CSMD1: variants seen among roughly 807,000 people sequenced by gnomAD.
CSMD1 encodes CUB and Sushi multiple domains 1.
In CSMD1, 213 loss-of-function variants were observed where a neutral mutation model predicts 417.5. That is an observed-to-expected ratio of 0.51 (90% confidence interval 0.46 to 0.57). The LOEUF is 0.57. Ranked by LOEUF, CSMD1 falls within the 20% of genes least tolerant of loss-of-function variation. The pLI is 0.00. For missense variants in CSMD1, 6,923 were observed against 4,529.7 expected (o/e 1.53, Z -15.17); for synonymous variants, 2,862 against 1,736.8 (o/e 1.65, Z -16.11).
chr8:3,307,630 T>C (rs2117387107), intron 25 of CSMD1, 65 bp downstream of exon 25: 1 of 1,505,784 alleles, frequency 6.6e-7, no homozygotes. Context: ...TACCACTATC[T>C]CTGCTACAAG....
rs890559313 is a variant in CSMD1 at position 4,909,292 on chromosome 8, C to T, written c.85+85040G>A. Among the ~76,000 whole-genome samples, 5 of 151,146 alleles carry T rather than the reference C, an allele frequency of 3.3e-5. No homozygotes were observed. In the South Asian group the frequency reaches 1.0e-3, roughly 32 times the overall value. Reference sequence around the variant, plus strand: ...GTGATCCTGTGTTTCAGGGCTATGACTTTTCTGAGAATTTTCCCAGCAAAA... The same window carrying T: ...GTGATCCTGTGTTTCAGGGCTATGATTTTTCTGAGAATTTTCCCAGCAAAA... On this transcript the variant is annotated intron_variant, in intron 1 of 69. Coordinates refer to ENST00000635120, the MANE Select transcript of CSMD1 (RefSeq NM_033225.6).
intron 3 of CSMD1, among the ~76,000 whole-genome samples, chr8:4,346,418 A>G (rs1006617164): frequency 2.0e-5 from 3 of 152,148 alleles, no homozygotes; most frequent in African/African-American, 2.4e-5. Flanking sequence ...ATCAGGGAGT[A>G]TGACCCACAC....
chr8:4,399,519 G>C (rs1305502665), intron 3 of CSMD1, among the ~76,000 whole-genome samples: 1 of 152,036 alleles, frequency 6.6e-6, no homozygotes, highest in East Asian at 1.9e-4. Context: ...TAACATTCAA[G>C]AAACTTTCCT....
At chr8:3,356,420 T>C (rs961397254) in intron 21 of CSMD1, among the ~76,000 whole-genome samples, 18 of 152,200 alleles carry the variant, frequency 1.2e-4, no homozygotes, top group Admixed American at 3.9e-4. Flanking sequence ...CTCACGCCTG[T>C]AATCCCAGCA....
At chr8:4,186,189 A>G (rs1488947331) in intron 3 of CSMD1, among the ~76,000 whole-genome samples, 1 of 152,160 alleles carries the variant, frequency 6.6e-6, no homozygotes, top group Non-Finnish European at 1.5e-5. Flanking sequence ...TGAATGTTCC[A>G]GAGAACATTG....
At chr8:3,054,049 A>G (rs183305165) in intron 49 of CSMD1, among the ~76,000 whole-genome samples, 1 of 152,294 alleles carries the variant, frequency 6.6e-6, no homozygotes, top group Admixed American at 6.5e-5. Context: ...AGGTGACACA[A>G]TGACTTAGTA....
intron 1 of CSMD1, among the ~76,000 whole-genome samples, chr8:4,697,896 G>A (rs529515859): frequency 6.6e-6 from 1 of 152,244 alleles, no homozygotes; most frequent in Non-Finnish European, 1.5e-5. Context: ...ACCATTTTTA[G>A]TTTAAGAATA....
At chr8:3,309,805 CTTCACAA>C (rs2117404124) in intron 23 of CSMD1, among the ~76,000 whole-genome samples, 1 of 152,302 alleles carries the variant, frequency 6.6e-6, no homozygotes, top group South Asian at 2.1e-4. Flanking sequence ...GTATTCTTAA[CTTCACAA>C]TATAATTTTA....
chr8:4,725,695 G>T (rs1332541724), intron 1 of CSMD1, among the ~76,000 whole-genome samples: 2 of 152,138 alleles, frequency 1.3e-5, no homozygotes, highest in East Asian at 3.9e-4. Context: ...TTGGCATCTT[G>T]AAGAAAATCC....
chr8:3,142,810 G>A (rs770899245), intron 40 of CSMD1, 136 bp from the exon 41 acceptor site: 27 of 779,536 alleles, frequency 3.5e-5, no homozygotes, highest in East Asian at 5.1e-5. Flanking sequence ...CGTGGAGGAC[G>A]GCATTCACTG....
At chr8:3,870,396 A>G (rs916683944) in intron 5 of CSMD1, among the ~76,000 whole-genome samples, 2 of 152,264 alleles carry the variant, frequency 1.3e-5, no homozygotes, top group South Asian at 2.1e-4. Flanking sequence ...TCCCCCAGCT[A>G]TGCACATAGC....
At chr8:3,932,581 G>T (rs1810226363) in intron 5 of CSMD1, among the ~76,000 whole-genome samples, 1 of 150,376 alleles carries the variant, frequency 6.6e-6, no homozygotes, top group Non-Finnish European at 1.5e-5. Flanking sequence ...TTAGTACTGT[G>T]GCTAGTTAAA....
In CSMD1 at chr8:3,367,176, T is replaced by G; in HGVS notation, c.2971A>C (p.Ser991Arg). The change falls in exon 20 of 70, where the codon AGT becomes CGT. Residue 991 changes from serine (S) to arginine (R), a missense_variant. Coordinates refer to ENST00000635120, the MANE Select transcript of CSMD1 (RefSeq NM_033225.6). ...AGCCTGGCAACGGGCTCGGAAAAAC[T>G]TCCATCCTCTGTGATCAGTAAATAG... Reference protein sequence around the residue: ...HDYLLITEDGSFSEPVARLTG... With the variant: ...HDYLLITEDGRFSEPVARLTG... 1 of 1,613,592 alleles carries G rather than the reference T, an allele frequency of 6.2e-7. No homozygotes were observed. Among genetic ancestry groups the G allele is most frequent in the African/African-American group, 1.3e-5 (1 of 74,980 alleles).
intron 20 of CSMD1, among the ~76,000 whole-genome samples, chr8:3,361,552 C>T (rs1482170269): frequency 1.2e-4 from 18 of 147,338 alleles, no homozygotes; most frequent in South Asian, 4.3e-4. Flanking sequence ...CTCGGGAGGC[C>T]GAGGCAGAAG....
intron 5 of CSMD1, among the ~76,000 whole-genome samples, chr8:3,777,159 C>T (rs1035506464): frequency 7.8e-5 from 10 of 127,408 alleles, no homozygotes; most frequent in South Asian, 5.3e-4. Context: ...CACACACACA[C>T]ATCATATATA....
chr8:3,953,191 G>A (rs958844550), intron 5 of CSMD1, among the ~76,000 whole-genome samples: 1 of 151,940 alleles, frequency 6.6e-6, no homozygotes, highest in Non-Finnish European at 1.5e-5. Context: ...ACTTTGTGTA[G>A]AAGCACTATA....
At chr8:3,121,527 AGC>A (rs929063738) in intron 41 of CSMD1, among the ~76,000 whole-genome samples, 1 of 152,166 alleles carries the variant, frequency 6.6e-6, no homozygotes, top group African/African-American at 2.4e-5. Flanking sequence ...CCTGGAGGGA[AGC>A]GCTGGGCAGC....
chr8:3,577,029 C>A (rs1390114713), intron 9 of CSMD1, among the ~76,000 whole-genome samples: 1 of 152,156 alleles, frequency 6.6e-6, no homozygotes, highest in African/African-American at 2.4e-5. Context: ...TTAAAAAGTA[C>A]ATCTGAAAAA....
At chr8:4,335,150 C>T (rs554240162) in intron 3 of CSMD1, among the ~76,000 whole-genome samples, 1 of 152,200 alleles carries the variant, frequency 6.6e-6, no homozygotes, top group Admixed American at 6.5e-5. Flanking sequence ...GATTCACCCT[C>T]CTCACAGCCT....
Sources: allele counts gnomAD v4.1 joint callset (sites outside exome capture counted in the v4.1 genomes callset), GRCh38; gene constraint gnomAD v4.1.1; transcripts MANE v1.5; gene names NCBI Gene and HGNC (gene_info 2026-07-23, HGNC 2026-07-21).